TGFBR3L: variants seen among roughly 807,000 people sequenced by gnomAD.
The protein encoded by TGFBR3L is transforming growth factor-beta receptor type 3-like protein.
Under a neutral mutation model 20.4 loss-of-function variants are expected in TGFBR3L, and 21 were observed. The ratio of observed to expected loss-of-function variants is 1.03; its 90% CI spans 0.73 to 1.48. The LOEUF (loss-of-function observed/expected upper bound fraction) is 1.48. Ranked by LOEUF, TGFBR3L falls within the 40% of genes most tolerant of loss-of-function variation. TGFBR3L has a pLI of 0.00. For missense variants in TGFBR3L, 479 were observed against 498.0 expected (o/e 0.96, Z 0.36); for synonymous variants, 245 against 244.2 (o/e 1.00, Z -0.03).
intron 4 of TGFBR3L, 71 bp downstream of exon 5, chr19:7,917,930 C>T (rs1005605304): frequency 6.5e-6 from 9 of 1,383,698 alleles, no homozygotes; most frequent in Non-Finnish European, 6.5e-6. Context: ...CGGCCGCGAT[C>T]CCGCCTGCGG....
At position 7,915,082 on chromosome 19, in the gene TGFBR3L, C is replaced by G. The variant is rs537563037; in HGVS notation, c.-1186C>G. On this transcript the variant is annotated 5_prime_UTR_variant, in exon 1 of 6. Transcript: ENST00000565886. Reference sequence around the variant, plus strand: ...CTCCGCCTCCCCGGTTCAAGTGATTCTCCTGCCTCAGCCTCCTGAGTAGCT... The same window carrying G: ...CTCCGCCTCCCCGGTTCAAGTGATTGTCCTGCCTCAGCCTCCTGAGTAGCT... Among the ~76,000 whole-genome samples, 57 of 152,328 alleles carry G rather than the reference C, an allele frequency of 3.7e-4. No homozygotes were observed. The highest frequency in any genetic ancestry group is 6.8e-3 in the Middle Eastern group (2 of 294).
At position 7,916,223 on chromosome 19, in the gene TGFBR3L, A is replaced by AG. The variant is rs747666311; in HGVS notation, c.-40dup. On this transcript the variant is annotated 5_prime_UTR_variant, in exon 1 of 6. Coordinates refer to ENST00000565886, the MANE Select transcript of TGFBR3L (RefSeq NM_001195259.2). Reference sequence around the variant, plus strand: ...GGCTGTGCGAGTCCCAGGGGTCGCCAGGGGGCACATCACCGTCAGGGGGGA... The same window carrying AG: ...GGCTGTGCGAGTCCCAGGGGTCGCCAGGGGGGCACATCACCGTCAGGGGGGA... The AG allele has an allele frequency of 2.0e-6, 3 of 1,515,926 alleles. 1 individual carries two copies. The highest frequency in any genetic ancestry group is 2.5e-5 in the South Asian group (2 of 81,152). The allele number at this position is 1,515,926 out of a possible 1,614,324, so 93.9% of individuals were successfully genotyped here.
chr19:7,918,792 A>C (rs1197388787), intron 5 of TGFBR3L, 125 bp from the exon 7 acceptor site: 1 of 397,356 alleles, frequency 2.5e-6, no homozygotes, highest in Non-Finnish European at 4.4e-6. Context: ...AGAACTCAGC[A>C]TTCGGACCCG....
chr19:7,916,640 TC>T lies in TGFBR3L; in HGVS notation c.299del (p.Pro100ArgfsTer12). ...CCCCCAGGCGGCCTTGGCCCGTCCCTCCCCGCGCTGGGGCCTGGCCCTGCAC... is the reference window on the plus strand; with the variant it reads ...CCCCCAGGCGGCCTTGGCCCGTCCCTCCCGCGCTGGGGCCTGGCCCTGCAC... On this transcript the variant is annotated frameshift_variant, in exon 2 of 6. Coordinates refer to ENST00000565886, the MANE Select transcript of TGFBR3L (RefSeq NM_001195259.2). LOFTEE classifies it high-confidence loss of function. The T allele has an allele frequency of 7.0e-7, 1 of 1,421,434 alleles. No homozygotes were observed. The highest frequency in any genetic ancestry group is 1.5e-5 in the South Asian group (1 of 65,632). 88.1% of individuals were successfully genotyped at this position (1,421,434 alleles called of 1,614,324 possible).
intron 2 of TGFBR3L, 33 bp downstream of exon 3, chr19:7,916,975 T>C (rs2145156078): frequency 1.6e-6 from 2 of 1,266,950 alleles, no homozygotes; most frequent in Non-Finnish European, 2.0e-6. Flanking sequence ...ATCCGGGCGC[T>C]GGGGCCCTTC....
rs1416189898 is a variant in TGFBR3L, at chr19:7,915,122, G to A, written c.-1146G>A. On this transcript the variant is annotated 5_prime_UTR_variant, in exon 1 of 6. Coordinates refer to ENST00000565886, the MANE Select transcript of TGFBR3L (RefSeq NM_001195259.2). The stretch of plus-strand genomic sequence containing the variant: ...CCTGAGTAGCTGGGACTACAGGCAC[G>A]CACCACCACGCCTGGCTAATTGTTG... Among the ~76,000 whole-genome samples, 2 of 152,098 alleles carry A rather than the reference G, an allele frequency of 1.3e-5. No individual in the cohort carries two copies. Among genetic ancestry groups the A allele is most frequent in the Admixed American group, 1.3e-4 (2 of 15,272 alleles).
chr19:7,918,590 C>G, intron 5 of TGFBR3L: 1 of 291,564 alleles, frequency 3.4e-6, no homozygotes, highest in Non-Finnish European at 6.3e-6. Context: ...TCCCCTTAAC[C>G]TCTAGGCGGA....
At position 7,914,980 on chromosome 19, in the gene TGFBR3L, C is replaced by T. The variant is rs1180551703; in HGVS notation, c.-1288C>T. ...CATGCTTCTATCCCTGTTTCACCCTCTTTATTTTTTTTGAGATGGAGTCTT... is the reference window on the plus strand; with the variant it reads ...CATGCTTCTATCCCTGTTTCACCCTTTTTATTTTTTTTGAGATGGAGTCTT... On this transcript the variant is annotated 5_prime_UTR_variant, in exon 1 of 6. Coordinates refer to ENST00000565886, the MANE Select transcript of TGFBR3L (RefSeq NM_001195259.2). Among the ~76,000 whole-genome samples the T allele has an allele frequency of 6.6e-6, 1 of 152,114 alleles. No individual in the cohort carries two copies. The highest frequency in any genetic ancestry group is 2.4e-5 in the African/African-American group (1 of 41,418).
chr19:7,917,118 T>G, intron 2 of TGFBR3L, 176 bp downstream of exon 3: 2 of 1,045,742 alleles, frequency 1.9e-6, no homozygotes, highest in Non-Finnish European at 2.5e-6. Flanking sequence ...GTGTGGACAC[T>G]GGGTTCCCCC....
Position 7,916,478 on chromosome 19 carries a change from G to A in TGFBR3L, c.211G>A (p.Glu71Lys), listed in dbSNP as rs1422331842. The change falls in exon 1 of 6, where the codon GAG becomes AAG. Residue 71 changes from glutamate (E) to lysine (K), a missense_variant. Physicochemically the swap from Glu to Lys is moderately conservative, Grantham distance 56. Transcript: ENST00000565886. ...CTTCAGCCTGAAGCTGTCCGACACAGAGGACGTCTTTCCTCGCCGCGCGGG... is the reference window on the plus strand; with the variant it reads ...CTTCAGCCTGAAGCTGTCCGACACAAAGGACGTCTTTCCTCGCCGCGCGGG... 10 of 1,527,676 alleles carry A rather than the reference G, an allele frequency of 6.5e-6. No homozygotes were observed. The highest frequency in any genetic ancestry group is 8.8e-6 in the Non-Finnish European group (10 of 1,141,306). 94.6% of individuals were successfully genotyped at this position (1,527,676 alleles called of 1,614,324 possible). A position where few individuals can be genotyped will look rare whatever the true frequency, so the allele number is the denominator to read the frequency against.
At position 7,916,095 on chromosome 19, in the gene TGFBR3L, C is replaced by T; in HGVS notation, c.-173C>T. ...TCTGACTTCACCCAGCCGGACCCCA[C>T]CATCGGGTGCTCCTCACCGCTTCTC... On this transcript the variant is annotated 5_prime_UTR_variant, in exon 1 of 6. Coordinates refer to ENST00000565886, the MANE Select transcript of TGFBR3L (RefSeq NM_001195259.2). 1 of 1,325,514 alleles carries T rather than the reference C, an allele frequency of 7.5e-7. No homozygotes were observed. Among genetic ancestry groups the T allele is most frequent in the South Asian group, 1.6e-5 (1 of 63,712 alleles). 82.1% of individuals were successfully genotyped at this position (1,325,514 alleles called of 1,614,324 possible).
chr19:7,916,488 T>C lies in TGFBR3L; in HGVS notation c.221T>C (p.Phe74Ser), dbSNP rs1348879889. 1.0e-5 allele frequency: 16 copies of C among 1,523,940 alleles called. No homozygotes were observed. Among genetic ancestry groups the C allele is most frequent in the Non-Finnish European group, 1.4e-5 (16 of 1,138,766 alleles). The allele number at this position is 1,523,940 out of a possible 1,614,324, so 94.4% of individuals were successfully genotyped here. ...AAGCTGTCCGACACAGAGGACGTCT[T>C]TCCTCGCCGCGCGGGGCCGCTCGAG... is the stretch of plus-strand genomic sequence containing the variant. Residue 74 changes from phenylalanine (F) to serine (S), a missense_variant, in exon 1 of 6, where the codon TTT becomes TCT. Coordinates refer to ENST00000565886, the MANE Select transcript of TGFBR3L (RefSeq NM_001195259.2).
At chr19:7,917,911 G>T in intron 4 of TGFBR3L, 52 bp downstream of exon 5, 1 of 1,380,776 alleles carries the variant, frequency 7.2e-7, no homozygotes. Context: ...CGCGCGTCGG[G>T]ACCCGGGGCG....
At position 7,915,374 on chromosome 19, in the gene TGFBR3L, G is replaced by A. The variant is rs1421425986; in HGVS notation, c.-894G>A. ...GGGGTCTCTGTCCCCCATCCCAAGG[G>A]TGGCTCACATCCCCACTTCGGCAAA... On this transcript the variant is annotated 5_prime_UTR_variant, in exon 1 of 6. Coordinates refer to ENST00000565886, the MANE Select transcript of TGFBR3L (RefSeq NM_001195259.2). Among the ~76,000 whole-genome samples, 3 of 152,312 alleles carry A rather than the reference G, an allele frequency of 2.0e-5. No homozygotes were observed. The highest frequency in any genetic ancestry group is 3.4e-3 in the Middle Eastern group (1 of 294).
chr19:7,917,893 T>A (rs1983387109), intron 4 of TGFBR3L, 34 bp downstream of exon 5: 14 of 1,380,612 alleles, frequency 1.0e-5, no homozygotes, highest in Admixed American at 3.5e-5. Flanking sequence ...GGGCCCCCAG[T>A]CTAATCCCGC....
Position 7,914,985 on chromosome 19 carries a change from T to A in TGFBR3L, c.-1283T>A, listed in dbSNP as rs566468056. 2.0e-5 allele frequency among the ~76,000 whole-genome samples: 3 copies of A among 151,968 alleles called. No individual in the cohort carries two copies. In the South Asian group the frequency reaches 6.2e-4, roughly 32 times the overall value. ...TTCTATCCCTGTTTCACCCTCTTTA[T>A]TTTTTTTGAGATGGAGTCTTGCTCT... On this transcript the variant is annotated 5_prime_UTR_variant, in exon 1 of 6. Coordinates refer to ENST00000565886, the MANE Select transcript of TGFBR3L (RefSeq NM_001195259.2).
At chr19:7,917,951 A>G in intron 4 of TGFBR3L, 92 bp downstream of exon 5, 1 of 1,446,568 alleles carries the variant, frequency 6.9e-7, no homozygotes, top group South Asian at 1.4e-5. Flanking sequence ...GGCCTGATCA[A>G]CCCTAGCTAG....
Position 7,916,184 on chromosome 19 carries a change from C to T in TGFBR3L, c.-84C>T, listed in dbSNP as rs544631995. ...CTCTAGGGGCGCATGGCTCTGCAAC[C>T]GGCTCAGTTGCTGGGCTGTGCGAGT... On this transcript the variant is annotated 5_prime_UTR_variant, in exon 1 of 6. Transcript: ENST00000565886. 8.8e-6 allele frequency: 13 copies of T among 1,470,738 alleles called. No homozygotes were observed. The Admixed American group carries it at 9.0e-5, about 10-fold the overall frequency. The allele number at this position is 1,470,738 out of a possible 1,614,324, so 91.1% of individuals were successfully genotyped here.
Position 7,917,808 on chromosome 19 carries a change from G to C in TGFBR3L, c.832G>C (p.Val278Leu), listed in dbSNP as rs1041400444. 3.5e-6 allele frequency: 5 copies of C among 1,412,846 alleles called. No homozygotes were observed. Among genetic ancestry groups the C allele is most frequent in the Admixed American group, 3.3e-5 (1 of 30,418 alleles). The allele number at this position is 1,412,846 out of a possible 1,614,324, so 87.5% of individuals were successfully genotyped here. Residue 278 changes from valine (V) to leucine (L), a missense_variant, in exon 4 of 6, where the codon GTG (valine) becomes CTG (leucine). By Grantham distance (32) the Val-to-Leu change is conservative. Coordinates refer to ENST00000565886, the MANE Select transcript of TGFBR3L (RefSeq NM_001195259.2). ...GGTGGCGCTGGTGTTGGCAGCCTTCGTGCTGGGCGCCGCGCTGGCCGCCGG... is the reference window on the plus strand; with the variant it reads ...GGTGGCGCTGGTGTTGGCAGCCTTCCTGCTGGGCGCCGCGCTGGCCGCCGG...
Sources: allele counts gnomAD v4.1 joint callset (sites outside exome capture counted in the v4.1 genomes callset), GRCh38; gene constraint gnomAD v4.1.1; transcripts MANE v1.5; gene names NCBI Gene and HGNC (gene_info 2026-07-23, HGNC 2026-07-21).